The following LY75 variants were observed in gnomAD, a reference collection of about 807,000 sequenced individuals.
The protein encoded by LY75 is lymphocyte antigen 75.
LY75 carries 185 observed loss-of-function variants against 231.7 expected under a neutral mutation model. The ratio of observed to expected loss-of-function variants is 0.80; its 90% CI spans 0.71 to 0.90. LY75 has a LOEUF of 0.90. Ranked by LOEUF, LY75 falls within the 40% of genes least tolerant of loss-of-function variation. The pLI is 0.00. For synonymous variants in LY75, 668 were observed against 689.0 expected (o/e 0.97, Z 0.48); for missense variants, 1,947 against 2,050.2 (o/e 0.95, Z 0.97).
chr2:159,903,086 G>A (rs1185066903), intron 1 of LY75: 1 of 152,180 alleles, frequency 6.6e-6, no homozygotes, highest in African/African-American at 2.4e-5. Context: ...CTGCTCTGAG[G>A]GTGAGAGAAA....
rs1329568094 is a variant in LY75, at chr2:159,814,471, T to C, written c.4549+934A>G. On this transcript the variant is annotated intron_variant, in intron 31 of 34. Transcript: ENST00000263636. ...TAGTTCAAGACCAGCTTGAACAGCA[T>C]TGTGAGACCCTAACTCTACAAAATA... Among the ~76,000 whole-genome samples the C allele has an allele frequency of 3.3e-5, 5 of 151,922 alleles. No homozygotes were observed. The South Asian group carries it at 1.0e-3, about 32-fold the overall frequency.
At position 159,853,348 on chromosome 2, in the gene LY75, G is replaced by A. The variant is rs1366763544; in HGVS notation, c.2668C>T (p.Arg890Ter). The A allele has an allele frequency of 6.8e-6, 11 of 1,612,784 alleles. No homozygotes were observed. The highest frequency in any genetic ancestry group is 5.0e-5 in the Admixed American group (3 of 59,960). The change falls in exon 20 of 35, where the codon CGA becomes TGA. Residue 890 changes from arginine to a stop codon, truncating the protein, a stop_gained. Coordinates refer to ENST00000263636, the MANE Select transcript of LY75 (RefSeq NM_002349.4). LOFTEE classifies it high-confidence loss of function. ...WPIDDHFTYS[R>*]YPWHRFPVTF... ...ACAGGAAAGCGGTGCCATGGATATC[G>A]TGAGCTAAAAGAAAATGACAGATTT... is the stretch of plus-strand genomic sequence containing the variant.
chr2:159,850,789 T>TATATATATATATATATATATATATAA lies in LY75; in HGVS notation c.2884-323_2884-322insTTATATATATATATATATATATATAT, dbSNP rs796940571. On this transcript the variant is annotated intron_variant, in intron 21 of 34. Transcript: ENST00000263636. ...TCAAACTTTCATATATATATATATA[T>TATATATATATATATATATATATATAA]ATATATATATTATATCTTATATATA... Among the ~76,000 whole-genome samples, 111 of 88,644 alleles carry TATATATATATATATATATATATATAA rather than the reference T, an allele frequency of 1.3e-3. 1 individual carries two copies. The highest frequency in any genetic ancestry group is 9.9e-3 in the East Asian group (41 of 4,152). 58.2% of individuals were successfully genotyped at this position (88,644 alleles called of 152,430 possible).
At chr2:159,849,855 G>T (rs1411432203) in intron 23 of LY75, 125 bp downstream of exon 23, 10 of 1,253,898 alleles carry the variant, frequency 8.0e-6, no homozygotes, top group Non-Finnish European at 1.1e-5. Flanking sequence ...TATCTTAGAT[G>T]TGCCTATTCT....
chr2:159,904,594 C>A lies in LY75; in HGVS notation c.89G>T (p.Arg30Leu), dbSNP rs781748150. The A allele has an allele frequency of 1.5e-5, 22 of 1,507,826 alleles. No individual in the cohort carries two copies. Among genetic ancestry groups the A allele is most frequent in the Non-Finnish European group, 1.9e-5 (21 of 1,131,826 alleles). The allele number at this position is 1,507,826 out of a possible 1,614,324, so 93.4% of individuals were successfully genotyped here. ...WFFDLAEPSGRAANDPFTIVH... is the reference protein window; with the variant it reads ...WFFDLAEPSGLAANDPFTIVH... ...GCTGGCGTGCCCGCGGTTACCTGCGCGGCCAGAGGGCTCCGCGAGATCGAA... is the reference window on the plus strand; with the variant it reads ...GCTGGCGTGCCCGCGGTTACCTGCGAGGCCAGAGGGCTCCGCGAGATCGAA... The change falls in exon 1 of 35, where the codon CGC (arginine) becomes CTC (leucine). Residue 30 changes from arginine to leucine, a missense_variant. Arg to Leu is a moderately radical substitution (Grantham distance 102, BLOSUM62 -2). Coordinates refer to ENST00000263636, the MANE Select transcript of LY75 (RefSeq NM_002349.4).
At chr2:159,884,205 C>T (rs1317741175) in intron 6 of LY75, among the ~76,000 whole-genome samples, 2 of 152,192 alleles carry the variant, frequency 1.3e-5, no homozygotes, top group African/African-American at 4.8e-5. Context: ...TGAGACCTCC[C>T]CAGCCACGTG....
chr2:159,894,118 T>C, intron 2 of LY75, 34 bp from the exon 3 acceptor site: 1 of 1,561,500 alleles, frequency 6.4e-7, no homozygotes, highest in South Asian at 1.2e-5. Context: ...AAAAGAGAGT[T>C]AAAAACTGGG....
chr2:159,874,238 T>A (rs372310732), intron 12 of LY75, among the ~76,000 whole-genome samples: 222 of 90,352 alleles, frequency 2.5e-3, no homozygotes, highest in East Asian at 4.2e-3. Context: ...ATTGTAAATA[T>A]ATATATTGTA....
rs1228091229 is a variant in LY75 at position 159,852,224 on chromosome 2, G to T, written c.2860C>A (p.Gln954Lys). ...DSAAKVQCSE[Q>K]WIPFQNKCFL... is the part of the protein sequence containing the mutation. Reference sequence around the variant, plus strand: ...ACCTTATTCTGAAAAGGAATCCATTGCTCAGAACATTGCACTTTAGCTGCA... The same window carrying T: ...ACCTTATTCTGAAAAGGAATCCATTTCTCAGAACATTGCACTTTAGCTGCA... Residue 954 changes from glutamine (Q) to lysine (K), a missense_variant, in exon 21 of 35, where the codon CAA becomes AAA. Transcript: ENST00000263636. The T allele has an allele frequency of 1.2e-6, 2 of 1,613,874 alleles. No individual in the cohort carries two copies. Among genetic ancestry groups the T allele is most frequent in the East Asian group, 4.5e-5 (2 of 44,858 alleles).
chr2:159,810,685 T>TGTTA lies in LY75; in HGVS notation c.4550-14_4550-11dup. 6.2e-7 allele frequency: 1 copy of TGTTA among 1,606,498 alleles called. No individual in the cohort carries two copies. Among genetic ancestry groups the TGTTA allele is most frequent in the Non-Finnish European group, 8.5e-7 (1 of 1,178,128 alleles). On this transcript the variant is annotated splice_polypyrimidine_tract_variant and intron_variant, in intron 31 of 34. Coordinates refer to ENST00000263636, the MANE Select transcript of LY75 (RefSeq NM_002349.4). The stretch of plus-strand genomic sequence containing the variant: ...CGGGACAGCTTTTTAGCTATAAAAA[T>TGTTA]GTTAGACACAGTTGTAACAATGCAT...
At chr2:159,848,970 C>G (rs1406539380) in intron 23 of LY75, among the ~76,000 whole-genome samples, 1 of 152,066 alleles carries the variant, frequency 6.6e-6, no homozygotes, top group African/African-American at 2.4e-5. Context: ...ATATCTATAT[C>G]TATATACTAG....
chr2:159,829,135 C>A (rs1242718370), intron 28 of LY75, among the ~76,000 whole-genome samples: 1 of 152,226 alleles, frequency 6.6e-6, no homozygotes, highest in African/African-American at 2.4e-5. Flanking sequence ...TCACTACCTA[C>A]ACACACCCAA....
Position 159,865,028 on chromosome 2 carries a change from A to G in LY75, c.2118-108T>C, listed in dbSNP as rs2125863191. ...ATTGAAAAGCACAGTTTCAAGCAAC[A>G]TAAAGAAGTCTTTTGAAATGAAACT... On this transcript the variant is annotated intron_variant, in intron 13 of 34. Transcript: ENST00000263636. 3 of 977,594 alleles carry G rather than the reference A, an allele frequency of 3.1e-6. 1 individual carries two copies. In the South Asian group the frequency reaches 8.7e-5, roughly 28 times the overall value. The allele number at this position is 977,594 out of a possible 1,614,324, so 60.6% of individuals were successfully genotyped here.
intron 23 of LY75, among the ~76,000 whole-genome samples, chr2:159,847,950 T>C (rs1028930940): frequency 6.6e-6 from 1 of 151,672 alleles, no homozygotes; most frequent in African/African-American, 2.4e-5. Flanking sequence ...CCAGCACTGG[T>C]TAGGTAAATG....
Position 159,840,886 on chromosome 2 carries a change from A to G in LY75, c.3350T>C (p.Ile1117Thr). Residue 1117 changes from isoleucine to threonine, a missense_variant, in exon 25 of 35, where the codon ATA (isoleucine) becomes ACA (threonine). Ile to Thr is a moderately conservative substitution (Grantham distance 89). Coordinates refer to ENST00000263636, the MANE Select transcript of LY75 (RefSeq NM_002349.4). ...TVKYLNNLYK[I>T]IPKTLTWHSA... ...GTGCCAAGTCAGAGTCTTTGGGATT[A>G]TTTTGTACAGATTATTTAGATACTT... 1 of 1,614,062 alleles carries G rather than the reference A, an allele frequency of 6.2e-7. No individual in the cohort carries two copies. Among genetic ancestry groups the G allele is most frequent in the Non-Finnish European group, 8.5e-7 (1 of 1,179,976 alleles).
At chr2:159,809,394 G>A (rs1266174940) in intron 32 of LY75, among the ~76,000 whole-genome samples, 1 of 152,200 alleles carries the variant, frequency 6.6e-6, no homozygotes. Context: ...GTCAGAGGAT[G>A]TGGCCAATCC....
chr2:159,855,037 T>C, intron 16 of LY75, 98 bp from the exon 17 acceptor site: 1 of 1,483,874 alleles, frequency 6.7e-7, no homozygotes, highest in South Asian at 1.2e-5. Context: ...ACTTGCAGTA[T>C]TGTTGAGTCT....
intron 23 of LY75, among the ~76,000 whole-genome samples, chr2:159,849,704 G>A (rs1005340908): frequency 1.3e-5 from 2 of 152,084 alleles, no homozygotes; most frequent in Admixed American, 6.6e-5. Context: ...ATAGTTTTTA[G>A]TATATTCACA....
At position 159,904,719 on chromosome 2, in the gene LY75, G is replaced by A. The variant is rs1320958122; in HGVS notation, c.-37C>T. ...GCAAGCCTTCCGGCCGGGTCCTCGG[G>A]CGCACGCGGCTCCCGCCCCGCCTGC... On this transcript the variant is annotated 5_prime_UTR_variant, in exon 1 of 35. Coordinates refer to ENST00000263636, the MANE Select transcript of LY75 (RefSeq NM_002349.4). The A allele has an allele frequency of 2.2e-6, 3 of 1,386,936 alleles. No homozygotes were observed. Among genetic ancestry groups the A allele is most frequent in the Non-Finnish European group, 1.9e-6 (2 of 1,078,124 alleles). 85.9% of individuals were successfully genotyped at this position (1,386,936 alleles called of 1,614,324 possible).
Sources: allele counts gnomAD v4.1 joint callset (sites outside exome capture counted in the v4.1 genomes callset), GRCh38; gene constraint gnomAD v4.1.1; transcripts MANE v1.5; gene names NCBI Gene and HGNC (gene_info 2026-07-23, HGNC 2026-07-21).